The following LMBRD1 variants were observed in gnomAD, a reference collection of about 807,000 sequenced individuals.
LMBRD1 encodes the protein LMBR1 domain containing 1, also known as lysosomal cobalamin transport escort protein LMBD1.
In LMBRD1, 64 loss-of-function variants were observed where a neutral mutation model predicts 74.8. The observed-to-expected ratio is 0.86, with a 90% CI of 0.70 to 1.05. The LOEUF (loss-of-function observed/expected upper bound fraction) is 1.05. Among genes scored for constraint, LMBRD1 ranks in the 50% least tolerant of loss-of-function variants. The pLI, the probability that LMBRD1 is intolerant of heterozygous loss-of-function variation, is 0.00. For missense variants in LMBRD1, 652 were observed against 645.9 expected, an observed-to-expected ratio of 1.01 and a Z score of -0.10; for synonymous variants, 204 against 216.3, an observed-to-expected ratio of 0.94 and a Z score of 0.50.
At position 69,676,244 on chromosome 6, in the gene LMBRD1, A is replaced by G. The variant is rs1354470893; in HGVS notation, c.1537T>C (p.Cys513Arg). The G allele has an allele frequency of 3.1e-6, 5 of 1,613,380 alleles. No homozygotes were observed. The East Asian group carries it at 1.1e-4, about 36-fold the overall frequency. Residue 513 changes from cysteine (C) to arginine (R), a missense_variant, in exon 16 of 16, where the codon TGT (cysteine) becomes CGT (arginine). Around this residue, in one of 3 missense-constraint regions of LMBRD1, gnomAD observed 51 missense variants for 46.9 expected, o/e 1.09. Transcript: ENST00000649934. ...ATAACCGATTTCTTCCCTTTACAAC[A>G]GGATACAATTAATCCAATCAAAAAT... ...GVFLIGLIVS[C>R]CKGKKSVIEG...
intron 14 of LMBRD1, among the ~76,000 whole-genome samples, chr6:69,686,497 T>C (rs1301573075): frequency 1.3e-5 from 2 of 152,156 alleles, no homozygotes; most frequent in Admixed American, 1.3e-4. Context: ...CCTTAATAGG[T>C]ACACATACAT....
At chr6:69,679,336 C>A (rs1355932728) in intron 14 of LMBRD1, among the ~76,000 whole-genome samples, 2 of 152,108 alleles carry the variant, frequency 1.3e-5, no homozygotes, top group African/African-American at 2.4e-5. Flanking sequence ...TTCAGACTCA[C>A]AGCAGAGACT....
intron 14 of LMBRD1, among the ~76,000 whole-genome samples, chr6:69,690,795 A>G (rs1448411941): frequency 1.3e-5 from 2 of 152,102 alleles, no homozygotes; most frequent in African/African-American, 4.8e-5. Context: ...ATTCCAAACC[A>G]AAACCACATT....
At chr6:69,749,156 T>A (rs969111621) in intron 5 of LMBRD1, among the ~76,000 whole-genome samples, 185 bp downstream of exon 5, 2 of 152,032 alleles carry the variant, frequency 1.3e-5, no homozygotes, top group African/African-American at 4.8e-5. Context: ...TAAAAATGTC[T>A]AGATGAAACA....
chr6:69,745,418 C>T (rs947179697), intron 5 of LMBRD1, among the ~76,000 whole-genome samples: 2 of 151,078 alleles, frequency 1.3e-5, no homozygotes, highest in Admixed American at 6.6e-5. Context: ...GCCACCGTGC[C>T]CGGCTAATTT....
intron 2 of LMBRD1, 60 bp downstream of exon 2, chr6:69,790,236 C>T: frequency 9.0e-7 from 1 of 1,114,880 alleles, no homozygotes; most frequent in Non-Finnish European, 1.3e-6. Flanking sequence ...ATGTATCGGA[C>T]TGCCAAGTGT....
chr6:69,730,155 G>A (rs961236966), intron 7 of LMBRD1, among the ~76,000 whole-genome samples: 1 of 151,976 alleles, frequency 6.6e-6, no homozygotes, highest in Admixed American at 6.6e-5. Context: ...ATCACCAACT[G>A]TATTTGAAAA....
At chr6:69,699,254 T>C in intron 12 of LMBRD1, 62 bp from the exon 13 acceptor site, 2 of 1,413,806 alleles carry the variant, frequency 1.4e-6, no homozygotes, top group African/African-American at 1.4e-5. Context: ...ATTAAATCCT[T>C]TTCTTGTGTT....
At chr6:69,783,683 T>C (rs1765885828) in intron 2 of LMBRD1, among the ~76,000 whole-genome samples, 1 of 152,188 alleles carries the variant, frequency 6.6e-6, no homozygotes, top group South Asian at 2.1e-4. Flanking sequence ...ATTTTGAAGA[T>C]GAGCAAATTA....
intron 3 of LMBRD1, among the ~76,000 whole-genome samples, chr6:69,776,675 T>C (rs941716034): frequency 6.6e-6 from 1 of 152,184 alleles, no homozygotes. Context: ...CAAACCTTTA[T>C]CTCATTGCAC....
chr6:69,720,342 T>TA (rs1766587160), intron 7 of LMBRD1, among the ~76,000 whole-genome samples: 1 of 152,184 alleles, frequency 6.6e-6, no homozygotes. Context: ...GAGAAACACT[T>TA]AAAAAACCTT....
chr6:69,701,943 C>T lies in LMBRD1; in HGVS notation c.926G>A (p.Gly309Glu). Reference protein sequence around the residue: ...GALRPLKIVWGIFFILVALLF... With the variant: ...GALRPLKIVWEIFFILVALLF... The stretch of plus-strand genomic sequence containing the variant: ...CAATGCAACTAAGATGAAAAATATT[C>T]CCCAGACGATCTAAAAGCAAAAATA... Residue 309 changes from glycine to glutamate, a missense_variant, in exon 10 of 16, where the codon GGA (glycine) becomes GAA (glutamate). This residue lies in a region of LMBRD1 where 598 missense variants were observed against 581.8 expected (regional missense o/e 1.03). Coordinates refer to ENST00000649934, the MANE Select transcript of LMBRD1 (RefSeq NM_018368.4). 4 of 1,598,562 alleles carry T rather than the reference C, an allele frequency of 2.5e-6. No homozygotes were observed. The highest frequency in any genetic ancestry group is 3.4e-6 in the Non-Finnish European group (4 of 1,167,054).
intron 3 of LMBRD1, among the ~76,000 whole-genome samples, chr6:69,763,239 A>AG (rs2149883652): frequency 6.6e-6 from 1 of 151,862 alleles, no homozygotes; most frequent in East Asian, 1.9e-4. Flanking sequence ...AAAAAGAAAA[A>AG]AAAAAAAGGA....
chr6:69,692,053 C>T (rs1765896430), intron 14 of LMBRD1, among the ~76,000 whole-genome samples: 1 of 152,030 alleles, frequency 6.6e-6, no homozygotes, highest in South Asian at 2.1e-4. Flanking sequence ...TTATTATTTA[C>T]AATAATTCTC....
intron 3 of LMBRD1, among the ~76,000 whole-genome samples, chr6:69,759,909 T>A (rs908269052): frequency 2.1e-4 from 32 of 152,264 alleles, no homozygotes; most frequent in African/African-American, 7.5e-4. Flanking sequence ...TTTAAAAACA[T>A]ACAATTTCAT....
chr6:69,738,271 T>G (rs758304885), intron 6 of LMBRD1, among the ~76,000 whole-genome samples: 105 of 152,050 alleles, frequency 6.9e-4, no homozygotes, highest in Non-Finnish European at 3.4e-4. Context: ...AAGAGGAAAA[T>G]TACTGGCTAA....
chr6:69,779,510 ACT>A (rs1332256299), intron 3 of LMBRD1, among the ~76,000 whole-genome samples: 1 of 152,176 alleles, frequency 6.6e-6, no homozygotes, highest in East Asian at 1.9e-4. Context: ...GATTAAAATG[ACT>A]CTGTGGAGAG....
intron 3 of LMBRD1, among the ~76,000 whole-genome samples, chr6:69,778,845 C>T (rs1765763674): frequency 6.6e-6 from 1 of 151,842 alleles, no homozygotes; most frequent in African/African-American, 2.4e-5. Flanking sequence ...TTCATGGGGC[C>T]TACAGATTTT....
At chr6:69,682,833 G>A (rs371964864) in intron 14 of LMBRD1, among the ~76,000 whole-genome samples, 4 of 152,090 alleles carry the variant, frequency 2.6e-5, no homozygotes, top group African/African-American at 9.6e-5. Flanking sequence ...CTAAATATCA[G>A]TTTCTTTGTA....
Sources: gnomAD v4.1 joint callset for allele counts (sites outside exome capture counted in the v4.1 genomes callset) on GRCh38, gnomAD v4.1.1 for gene constraint, gnomAD v4.1.1 regional missense constraint, MANE v1.5 for transcripts, NCBI Gene and HGNC (gene_info 2026-07-23, HGNC 2026-07-21) for gene names.